TENT4A: variants seen among roughly 807,000 people sequenced by gnomAD.
TENT4A encodes the protein DNA polymerase kappa.
TENT4A carries 7 observed loss-of-function variants against 72.8 expected under a neutral mutation model. The ratio of observed to expected loss-of-function variants is 0.10; its 90% confidence interval spans 0.05 to 0.18. The LOEUF (loss-of-function observed/expected upper bound fraction) is 0.18, where lower values mean the gene tolerates loss of function less well. Ranked by LOEUF, TENT4A falls within the 10% of genes least tolerant of loss-of-function variation. TENT4A has a pLI of 1.00. For synonymous variants in TENT4A, 456 were observed against 434.3 expected (o/e 1.05, Z -0.62); for missense variants, 831 against 1,017.7 (o/e 0.82, Z 2.50).
chr5:6,750,417 C>G lies in TENT4A; in HGVS notation c.1774C>G (p.Arg592Gly), dbSNP rs1259479172. The G allele has an allele frequency of 1.2e-6, 2 of 1,613,340 alleles. No homozygotes were observed. The highest frequency in any genetic ancestry group is 1.7e-4 in the Middle Eastern group (1 of 6,060). ...AGAGCCCGAGTCTCCCTATGGCCAGCGCTTGACTTTGTCGCTGTCCAGCCC... is the reference window on the plus strand; with the variant it reads ...AGAGCCCGAGTCTCCCTATGGCCAGGGCTTGACTTTGTCGCTGTCCAGCCC... ...NREPESPYGQ[R>G]LTLSLSSPQL... Residue 592 changes from arginine (R) to glycine (G), a missense_variant, in exon 10 of 13, where the codon CGC (arginine) becomes GGC (glycine). Physicochemically the swap from Arg to Gly is moderately radical, Grantham distance 125 (BLOSUM62 -2). Transcript: ENST00000230859.
intron 1 of TENT4A, among the ~76,000 whole-genome samples, chr5:6,731,033 T>C (rs1200113896): frequency 1.3e-5 from 2 of 152,234 alleles, no homozygotes; most frequent in Non-Finnish European, 2.9e-5. Flanking sequence ...TGCGATGTAG[T>C]AGTGTCTGAA....
At chr5:6,750,883 T>G (rs986653742) in intron 10 of TENT4A, 156 bp from the exon 11 acceptor site, 2 of 681,612 alleles carry the variant, frequency 2.9e-6, no homozygotes, top group Non-Finnish European at 5.1e-6. Context: ...GAAGGAAGCC[T>G]GGGTAGGTTT....
chr5:6,754,804 C>T lies in TENT4A; in HGVS notation c.2238C>T (p.Gly746=), dbSNP rs747562841. 9 of 1,601,950 alleles carry T rather than the reference C, an allele frequency of 5.6e-6. No homozygotes were observed. Among genetic ancestry groups the T allele is most frequent in the South Asian group, 2.2e-5 (2 of 90,480 alleles). ...SMKGSHGHTQ[G]GGYSSVGSGG... Reference sequence around the variant, plus strand: ...AGGGCTCTCACGGCCACACCCAAGGCGGCGGCTACAGCTCTGTGGGTAGCG... The same window carrying T: ...AGGGCTCTCACGGCCACACCCAAGGTGGCGGCTACAGCTCTGTGGGTAGCG... The change falls in exon 13 of 13, where the codon GGC becomes GGT. Residue 746 remains glycine, a synonymous_variant. Coordinates refer to ENST00000230859, the MANE Select transcript of TENT4A (RefSeq NM_006999.6).
Position 6,714,716 on chromosome 5 carries a change from G to T in TENT4A, c.716+17G>T. Reference sequence around the variant, plus strand: ...CATCCAGGGGTGAGTGCGCGGGGAGGCCGCGGGGGCGGGGGCGGGGCCCAT... The same window carrying T: ...CATCCAGGGGTGAGTGCGCGGGGAGTCCGCGGGGGCGGGGGCGGGGCCCAT... On this transcript the variant is annotated intron_variant, in intron 1 of 12. Transcript: ENST00000230859. 8.5e-7 allele frequency: 1 copy of T among 1,174,264 alleles called. No individual in the cohort carries two copies. The highest frequency in any genetic ancestry group is 1.6e-5 in the African/African-American group (1 of 62,518). 72.7% of individuals were successfully genotyped at this position (1,174,264 alleles called of 1,614,324 possible). A position where few individuals can be genotyped will look rare whatever the true frequency, so the allele number is the denominator to read the frequency against.
At chr5:6,742,826 T>C (rs1260572477) in intron 5 of TENT4A, among the ~76,000 whole-genome samples, 1 of 152,256 alleles carries the variant, frequency 6.6e-6, no homozygotes, top group African/African-American at 2.4e-5. Flanking sequence ...TTGACAATTA[T>C]TTTAGAGAGC....
intron 1 of TENT4A, among the ~76,000 whole-genome samples, chr5:6,726,216 G>A (rs1740911223): frequency 6.6e-6 from 1 of 152,168 alleles, no homozygotes; most frequent in Admixed American, 6.5e-5. Flanking sequence ...CACCATGTAG[G>A]GGGAGCTGCG....
chr5:6,744,821 C>A (rs966619360), intron 6 of TENT4A, among the ~76,000 whole-genome samples: 2 of 152,154 alleles, frequency 1.3e-5, no homozygotes, highest in African/African-American at 4.8e-5. Context: ...TTGAATTAAA[C>A]ATGGGCCTCT....
intron 1 of TENT4A, among the ~76,000 whole-genome samples, chr5:6,715,713 T>C (rs4702387): frequency 1.3e-5 from 2 of 152,198 alleles, no homozygotes; most frequent in Non-Finnish European, 2.9e-5. Context: ...TTGTAACTCT[T>C]TTTCTCATTT....
In TENT4A at chr5:6,714,487, G is replaced by C; in HGVS notation, c.504G>C (p.Gly168=). Residue 168 remains glycine (G), a synonymous_variant, in exon 1 of 13, where the codon GGG becomes GGC. Transcript: ENST00000230859. The part of the protein sequence containing the change: ...SAPGTANGHP[G]PRGPAPAGSP... ...CTGGCACAGCCAACGGGCACCCCGG[G>C]CCGCGCGGCCCCGCGCCCGCCGGCT... is the stretch of plus-strand genomic sequence containing the variant. 3 of 1,184,870 alleles carry C rather than the reference G, an allele frequency of 2.5e-6. No individual in the cohort carries two copies. Among genetic ancestry groups the C allele is most frequent in the Non-Finnish European group, 3.1e-6 (3 of 957,816 alleles). 73.4% of individuals were successfully genotyped at this position (1,184,870 alleles called of 1,614,324 possible).
At chr5:6,741,196 C>T (rs981404349) in intron 4 of TENT4A, among the ~76,000 whole-genome samples, 1 of 152,188 alleles carries the variant, frequency 6.6e-6, no homozygotes, top group African/African-American at 2.4e-5. Flanking sequence ...CCTCTGTTAC[C>T]TGAGGGCCAG....
chr5:6,749,800 A>G (rs999542293), intron 9 of TENT4A, 143 bp downstream of exon 9: 2 of 639,682 alleles, frequency 3.1e-6, no homozygotes, highest in Middle Eastern at 2.6e-4. Context: ...AGACAATAAG[A>G]TCTAGAGCAG....
At chr5:6,749,405 A>G in intron 8 of TENT4A, 152 bp from the exon 9 acceptor site, 1 of 633,552 alleles carries the variant, frequency 1.6e-6, no homozygotes, top group Admixed American at 2.7e-5. Flanking sequence ...ATTAAAAGTC[A>G]GAGATATTTG....
intron 6 of TENT4A, among the ~76,000 whole-genome samples, chr5:6,744,131 T>C (rs1741960545): frequency 6.6e-6 from 1 of 152,226 alleles, no homozygotes; most frequent in Non-Finnish European, 1.5e-5. Context: ...GAAATGTCCA[T>C]TTCATGGTAA....
In TENT4A at chr5:6,725,011, A is replaced by G. The variant is rs183678665; in HGVS notation, c.716+10312A>G. On this transcript the variant is annotated intron_variant, in intron 1 of 12. Transcript: ENST00000230859. ...ATGTAGAGCAAAGCGAGAATTGTCC[A>G]AAGAGATAAGCTAATAAAGAGGAAA... Among the ~76,000 whole-genome samples, 433 of 152,366 alleles carry G rather than the reference A, an allele frequency of 2.8e-3. 2 individuals are homozygous for G. Among genetic ancestry groups the G allele is most frequent in the Non-Finnish European group, 4.9e-3 (335 of 68,028 alleles).
In TENT4A at chr5:6,742,940, T is replaced by G. The variant is rs188619186; in HGVS notation, c.1116+343T>G. 4.0e-5 allele frequency among the ~76,000 whole-genome samples: 6 copies of G among 151,828 alleles called. No homozygotes were observed. In the East Asian group the frequency reaches 1.2e-3, roughly 29 times the overall value. ...GGAAGTTGATAAATCATGAGGTGCCTTAAATATACTCACTTTGGGAGGTCT... is the reference window on the plus strand; with the variant it reads ...GGAAGTTGATAAATCATGAGGTGCCGTAAATATACTCACTTTGGGAGGTCT... On this transcript the variant is annotated intron_variant, in intron 5 of 12. Transcript: ENST00000230859.
At chr5:6,727,778 C>T (rs1233409620) in intron 1 of TENT4A, among the ~76,000 whole-genome samples, 2 of 152,166 alleles carry the variant, frequency 1.3e-5, no homozygotes, top group East Asian at 3.9e-4. Context: ...CCATCATGCC[C>T]CCTGTCCCTC....
chr5:6,751,749 A>G (rs28381422), intron 11 of TENT4A, among the ~76,000 whole-genome samples: 3,440 of 152,354 alleles, frequency 0.023, 97 homozygotes, highest in African/African-American at 0.068. Context: ...ACTTGCGATT[A>G]TACATCACTT....
intron 1 of TENT4A, among the ~76,000 whole-genome samples, chr5:6,723,642 C>G (rs904513230): frequency 6.6e-6 from 1 of 152,172 alleles, no homozygotes; most frequent in Non-Finnish European, 1.5e-5. Flanking sequence ...GGGATGGAAC[C>G]TAGCAACTCA....
intron 1 of TENT4A, among the ~76,000 whole-genome samples, chr5:6,728,309 G>C (rs1400916111): frequency 2.0e-5 from 3 of 152,118 alleles, no homozygotes; most frequent in African/African-American, 7.2e-5. Flanking sequence ...AATAGTAACA[G>C]TTTTTTTTAC....
Sources: gnomAD v4.1 joint callset for allele counts (sites outside exome capture counted in the v4.1 genomes callset) on GRCh38, gnomAD v4.1.1 for gene constraint, MANE v1.5 for transcripts, NCBI Gene and HGNC (gene_info 2026-07-23, HGNC 2026-07-21) for gene names.